The following OOSP1 variants were observed in gnomAD, a reference collection of about 807,000 sequenced individuals.
OOSP1 encodes oocyte secreted protein 1.
In OOSP1, 11 loss-of-function variants were observed where a neutral mutation model predicts 5.7. The observed-to-expected ratio is 1.94, with a 90% confidence interval of 1.22 to 3.20. The LOEUF (loss-of-function observed/expected upper bound fraction) is 3.20. Among genes scored for constraint, OOSP1 ranks in the 30% most tolerant of loss-of-function variants. The pLI is 0.00. For synonymous variants in OOSP1, 44 were observed against 20.0 expected (o/e 2.20, Z -3.20); for missense variants, 83 against 54.1 (o/e 1.53, Z -1.67).
At chr11:59,939,881 C>T (rs570745936) in intron 1 of OOSP1, among the ~76,000 whole-genome samples, 34 of 151,796 alleles carry the variant, frequency 2.2e-4, no homozygotes, top group Non-Finnish European at 4.1e-4. Flanking sequence ...GTGGTGCCAT[C>T]GTAGCTCACT....
At chr11:59,947,394 C>G (rs1460312311) in intron 3 of OOSP1, among the ~76,000 whole-genome samples, 1 of 152,114 alleles carries the variant, frequency 6.6e-6, no homozygotes, top group African/African-American at 2.4e-5. Flanking sequence ...GTAGCTGGGA[C>G]TATAGGCACC....
intron 4 of OOSP1, among the ~76,000 whole-genome samples, chr11:59,949,231 C>T (rs1341167105): frequency 1.3e-5 from 2 of 152,052 alleles, no homozygotes; most frequent in African/African-American, 2.4e-5. Flanking sequence ...GGAGTTCACA[C>T]TTTAGTAGGA....
At chr11:59,942,219 T>G (rs1853835756) in intron 1 of OOSP1, among the ~76,000 whole-genome samples, 1 of 152,212 alleles carries the variant, frequency 6.6e-6, no homozygotes. Flanking sequence ...TAGTTTGATC[T>G]AATTCTCTTT....
chr11:59,949,386 T>C (rs1853917317), intron 4 of OOSP1, among the ~76,000 whole-genome samples: 1 of 151,766 alleles, frequency 6.6e-6, no homozygotes, highest in African/African-American at 2.4e-5. Context: ...AAGGCATCCG[T>C]CAAAGGTGAT....
chr11:59,951,708 G>A (rs527768889), intron 4 of OOSP1, among the ~76,000 whole-genome samples: 1 of 140,222 alleles, frequency 7.1e-6, no homozygotes, highest in East Asian at 2.1e-4. Context: ...GAAATGAACT[G>A]CATTTTTTTT....
At chr11:59,953,012 C>T (rs1853956016) in intron 4 of OOSP1, among the ~76,000 whole-genome samples, 9 of 152,224 alleles carry the variant, frequency 5.9e-5, no homozygotes, top group Middle Eastern at 3.4e-3. Context: ...ACATTTTCCT[C>T]TGGTTAGTAT....
chr11:59,953,129 A>G (rs1403541139), intron 4 of OOSP1, among the ~76,000 whole-genome samples: 3 of 152,156 alleles, frequency 2.0e-5, no homozygotes, highest in African/African-American at 4.8e-5. Context: ...CTATGGCTAG[A>G]AAATGTCCTT....
chr11:59,957,442 A>C, exon 5 of OOSP1: 1 of 375,678 alleles, frequency 2.7e-6, no homozygotes, highest in Non-Finnish European at 4.7e-6. Flanking sequence ...TGTTCATTGG[A>C]TCTTCAACCA....
At chr11:59,939,285 G>A (rs1374201561) in intron 1 of OOSP1, among the ~76,000 whole-genome samples, 1 of 144,018 alleles carries the variant, frequency 6.9e-6, no homozygotes, top group Admixed American at 7.1e-5. Context: ...CAAGAGTCTC[G>A]CTGTCACCGA....
chr11:59,952,601 G>A (rs939224199), intron 4 of OOSP1, among the ~76,000 whole-genome samples: 2 of 152,114 alleles, frequency 1.3e-5, no homozygotes, highest in African/African-American at 4.8e-5. Context: ...ACAAAGACAT[G>A]CAGAGTGATA....
At chr11:59,948,180 G>T (rs1323205019) in intron 4 of OOSP1, among the ~76,000 whole-genome samples, 2 of 152,270 alleles carry the variant, frequency 1.3e-5, no homozygotes, top group African/African-American at 4.8e-5. Context: ...GTTCTGAATT[G>T]TAATAAATGA....
intron 1 of OOSP1, among the ~76,000 whole-genome samples, chr11:59,939,920 A>T (rs79761174): frequency 0.029 from 4,483 of 152,028 alleles, 134 homozygotes; most frequent in African/African-American, 0.08. Flanking sequence ...TTAAAAAAAA[A>T]TTTTTTGTAG....
At chr11:59,950,483 G>C (rs917219742) in intron 4 of OOSP1, among the ~76,000 whole-genome samples, 1 of 152,186 alleles carries the variant, frequency 6.6e-6, no homozygotes, top group African/African-American at 2.4e-5. Flanking sequence ...TTAAGAGGTT[G>C]CTGAGAGAAG....
chr11:59,956,773 C>T lies in OOSP1; in HGVS notation c.487-422C>T, dbSNP rs113046067. ...CTTATGCCTTTGCGTCCTCATAGCT[C>T]AGTTCCCACATATAAGTGAGAACAT... is the stretch of plus-strand genomic sequence containing the variant. On this transcript the variant is annotated intron_variant, in intron 4 of 4. Coordinates refer to ENST00000646685, the Ensembl canonical transcript of OOSP1. Among the ~76,000 whole-genome samples, 1,359 of 152,268 alleles carry T rather than the reference C, an allele frequency of 8.9e-3. 14 individuals carry two copies. Among genetic ancestry groups the T allele is most frequent in the African/African-American group, 0.031 (1,283 of 41,540 alleles).
chr11:59,954,793 A>G (rs959772517), intron 4 of OOSP1, among the ~76,000 whole-genome samples: 5 of 152,114 alleles, frequency 3.3e-5, no homozygotes, highest in Non-Finnish European at 7.4e-5. Flanking sequence ...TTGAGGATTC[A>G]TGTATGATCC....
chr11:59,954,832 A>C (rs1853978158), intron 4 of OOSP1, among the ~76,000 whole-genome samples: 1 of 152,132 alleles, frequency 6.6e-6, no homozygotes, highest in Non-Finnish European at 1.5e-5. Context: ...GTATACCTCT[A>C]TACTTGTCAA....
chr11:59,950,351 A>G (rs962507075), intron 4 of OOSP1, among the ~76,000 whole-genome samples: 1 of 152,204 alleles, frequency 6.6e-6, no homozygotes, highest in African/African-American at 2.4e-5. Flanking sequence ...CTGGATGTAG[A>G]ACATTAGGAT....
At position 59,950,581 on chromosome 11, in the gene OOSP1, G is replaced by A. The variant is rs1357268837; in HGVS notation, c.486+2719G>A. On this transcript the variant is annotated intron_variant, in intron 4 of 4. Transcript: ENST00000646685. Reference sequence around the variant, plus strand: ...GAGTGGGGTCCTGGGAGCCGTGCAGGTGGAGTTGTCAGCTGTATCTTCTGT... The same window carrying A: ...GAGTGGGGTCCTGGGAGCCGTGCAGATGGAGTTGTCAGCTGTATCTTCTGT... 3.3e-5 allele frequency among the ~76,000 whole-genome samples: 5 copies of A among 152,174 alleles called. No homozygotes were observed. In the East Asian group the frequency reaches 7.7e-4, roughly 23 times the overall value.
intron 4 of OOSP1, among the ~76,000 whole-genome samples, chr11:59,949,955 A>G (rs1487569137): frequency 1.3e-5 from 2 of 152,218 alleles, no homozygotes; most frequent in African/African-American, 2.4e-5. Flanking sequence ...GCATCTGTAT[A>G]GACCCAGGGA....
Sources: allele counts gnomAD v4.1 joint callset (sites outside exome capture counted in the v4.1 genomes callset), GRCh38; gene constraint gnomAD v4.1.1; transcripts MANE v1.5; gene names NCBI Gene and HGNC (gene_info 2026-07-23, HGNC 2026-07-21).